Variants in RAD51AP2 observed in about 807,000 individuals in gnomAD.
RAD51AP2 encodes RAD51 associated protein 2.
Under a neutral mutation model 85.5 loss-of-function variants are expected in RAD51AP2, and 67 were observed. That is an observed-to-expected ratio of 0.78 (90% CI 0.64 to 0.96). The LOEUF is 0.96. Ranked by LOEUF, RAD51AP2 falls within the 40% of genes least tolerant of loss-of-function variation. The probability of loss-of-function intolerance (pLI) is 0.00; values close to 1 mark genes in which losing one functional copy is unlikely to be tolerated. For missense variants in RAD51AP2, 1,307 were observed against 1,332.4 expected (o/e 0.98, Z 0.30); for synonymous variants, 474 against 446.5 (o/e 1.06, Z -0.78).
chr2:17,530,867 G>T, the RAD51AP2 span, among the ~76,000 whole-genome samples: 1 of 152,096 alleles, frequency 6.6e-6, no homozygotes, highest in African/African-American at 2.4e-5. Flanking sequence ...CATTTAAAAT[G>T]GTCCTTAATC....
At position 17,510,867 on chromosome 2, in the gene RAD51AP2, C is replaced by T. The variant is rs772869417; in HGVS notation, c.3417G>A (p.Arg1139=). ...TCAGATAAGGATGAAGTTGTTTAAT[C>T]CTTGCTTTTCTTGACAAACCAATCC... The part of the protein sequence containing the change: ...PIRIGLSRKA[R]IKQLHPYLKQ... Residue 1139 remains arginine, a synonymous_variant, in exon 3 of 3, where the codon AGG becomes AGA. Transcript: ENST00000399080. 6.2e-7 allele frequency: 1 copy of T among 1,608,732 alleles called. No individual in the cohort carries two copies. The highest frequency in any genetic ancestry group is 8.5e-7 in the Non-Finnish European group (1 of 1,176,928).
the RAD51AP2 span, among the ~76,000 whole-genome samples, chr2:17,529,856 C>T: frequency 2.6e-5 from 4 of 152,190 alleles, no homozygotes; most frequent in African/African-American, 4.8e-5. Flanking sequence ...TTGTACAATT[C>T]GTCCTTTGGG....
intron 2 of RAD51AP2, among the ~76,000 whole-genome samples, chr2:17,513,499 A>T (rs1176178175): frequency 6.6e-6 from 1 of 151,880 alleles, no homozygotes; most frequent in Non-Finnish European, 1.5e-5. Context: ...AGCCTCCCAA[A>T]TTGCTGGGGT....
At chr2:17,533,977 T>C in the RAD51AP2 span, among the ~76,000 whole-genome samples, 1 of 152,222 alleles carries the variant, frequency 6.6e-6, no homozygotes, top group African/African-American at 2.4e-5. Flanking sequence ...CACAGTAAAC[T>C]ACATCTCTAT....
the RAD51AP2 span, among the ~76,000 whole-genome samples, chr2:17,528,983 T>C: frequency 6.6e-6 from 1 of 152,220 alleles, no homozygotes; most frequent in Non-Finnish European, 1.5e-5. Flanking sequence ...GGTTCCAGTG[T>C]CTGTTGCCAA....
In RAD51AP2 at chr2:17,510,945, A is replaced by C; in HGVS notation, c.3339T>G (p.Phe1113Leu). The change falls in exon 3 of 3, where the codon TTT becomes TTG. Residue 1113 changes from phenylalanine (F) to leucine (L), a missense_variant. Phe to Leu is a conservative substitution (Grantham distance 22). Transcript: ENST00000399080. The stretch of plus-strand genomic sequence containing the variant: ...GTCGTACTCTTGAAATGCCATGTGG[A>C]AAGTGACTACCTAAAAATATAAGAC... ...FNYLLRGGSHFPHGISRVRPL... is the reference protein window; with the variant it reads ...FNYLLRGGSHLPHGISRVRPL... 1 of 1,589,914 alleles carries C rather than the reference A, an allele frequency of 6.3e-7. No individual in the cohort carries two copies. The highest frequency in any genetic ancestry group is 1.8e-5 in the Admixed American group (1 of 55,764).
the RAD51AP2 span, among the ~76,000 whole-genome samples, chr2:17,528,660 T>A: frequency 6.6e-6 from 1 of 151,928 alleles, no homozygotes; most frequent in Non-Finnish European, 1.5e-5. Context: ...CTGAGCAACA[T>A]AGGAACACCC....
At position 17,517,878 on chromosome 2, in the gene RAD51AP2, C is replaced by CA; in HGVS notation, c.537dup (p.Val180CysfsTer23). On this transcript the variant is annotated frameshift_variant, in exon 1 of 3. Coordinates refer to ENST00000399080, the MANE Select transcript of RAD51AP2 (RefSeq NM_001099218.3). LOFTEE classifies it high-confidence loss of function. Reference sequence around the variant, plus strand: ...TTGTGAACATTGTCTCTTCCTTGGACAAACTGTTGTTTTCGATTCTCATTT... The same window carrying CA: ...TTGTGAACATTGTCTCTTCCTTGGACAAAACTGTTGTTTTCGATTCTCATTT... 1 of 1,614,200 alleles carries CA rather than the reference C, an allele frequency of 6.2e-7. No individual in the cohort carries two copies. The highest frequency in any genetic ancestry group is 8.5e-7 in the Non-Finnish European group (1 of 1,180,026).
chr2:17,516,004 T>C lies in RAD51AP2; in HGVS notation c.2412A>G (p.Glu804=). Residue 804 remains glutamate (E), a synonymous_variant, in exon 1 of 3, where the codon GAA becomes GAG. Transcript: ENST00000399080. ...IPASHNIIHN[E]ETHTTSITQV... ...GAGTTATAGAAGTGGTATGGGTCTC[T>C]TCATTATGTATTATGTTGTGGCTTG... is the stretch of plus-strand genomic sequence containing the variant. 6.2e-7 allele frequency: 1 copy of C among 1,613,804 alleles called. No individual in the cohort carries two copies. The highest frequency in any genetic ancestry group is 8.5e-7 in the Non-Finnish European group (1 of 1,179,814).
chr2:17,516,775 AATACCAATT>A lies in RAD51AP2; in HGVS notation c.1632_1640del (p.Ile545_Ile547del). ...TCATGTTTCTGGTTATTAGATTTTG[AATACCAATT>A]ATACCAATTTGCTTTTTACACTTCA... is the stretch of plus-strand genomic sequence containing the variant. On this transcript the variant is annotated inframe_deletion, in exon 1 of 3. Coordinates refer to ENST00000399080, the MANE Select transcript of RAD51AP2 (RefSeq NM_001099218.3). The A allele has an allele frequency of 6.4e-7, 1 of 1,560,718 alleles. No homozygotes were observed. The highest frequency in any genetic ancestry group is 8.7e-7 in the Non-Finnish European group (1 of 1,149,050).
the RAD51AP2 span, among the ~76,000 whole-genome samples, chr2:17,536,493 T>C: frequency 1.3e-5 from 2 of 152,162 alleles, no homozygotes; most frequent in Non-Finnish European, 2.9e-5. Context: ...GAAGAGAAAA[T>C]GGAATAAAGT....
chr2:17,520,945 C>T (rs1381537725), upstream of RAD51AP2, among the ~76,000 whole-genome samples: 6 of 152,098 alleles, frequency 3.9e-5, no homozygotes, highest in Non-Finnish European at 7.4e-5. Flanking sequence ...TGTAGCCAAT[C>T]CCTGGGCAGA....
chr2:17,535,251 CGGA>C, the RAD51AP2 span, among the ~76,000 whole-genome samples: 1 of 151,902 alleles, frequency 6.6e-6, no homozygotes, highest in Non-Finnish European at 1.5e-5. Flanking sequence ...TGGATAAGTG[CGGA>C]GAAGTGAAAC....
chr2:17,515,306 C>T lies in RAD51AP2; in HGVS notation c.3110G>A (p.Gly1037Asp), dbSNP rs834514. ...TTGGTGACTTTTGCCCATATTAGGACCTGCTATAGTATCATGGAACGAGGA... is the reference window on the plus strand; with the variant it reads ...TTGGTGACTTTTGCCCATATTAGGATCTGCTATAGTATCATGGAACGAGGA... The part of the protein sequence containing the change: ...ASSSFHDTIA[G>D]PNMGKSHQSL... The change falls in exon 1 of 3, where the codon GGT becomes GAT. Residue 1037 changes from glycine to aspartate, a missense_variant. Coordinates refer to ENST00000399080, the MANE Select transcript of RAD51AP2 (RefSeq NM_001099218.3). The T allele has an allele frequency of 0.62, 1,007,248 of 1,612,148 alleles. 324,898 individuals carry two copies. The highest frequency in any genetic ancestry group is 0.88 in the East Asian group (39,358 of 44,796).
intron 2 of RAD51AP2, among the ~76,000 whole-genome samples, chr2:17,513,060 A>G (rs1213414547): frequency 6.6e-6 from 1 of 152,140 alleles, no homozygotes; most frequent in East Asian, 1.9e-4. Context: ...GTATAATACC[A>G]GAAATTTCTG....
At chr2:17,522,889 T>C (rs928781761), upstream of RAD51AP2, among the ~76,000 whole-genome samples, 21 of 152,086 alleles carry the variant, frequency 1.4e-4, no homozygotes, top group African/African-American at 4.8e-4. Context: ...CTTAAAATTT[T>C]CAAGGAATTA....
chr2:17,525,864 T>C, the RAD51AP2 span, among the ~76,000 whole-genome samples: 1 of 152,034 alleles, frequency 6.6e-6, no homozygotes, highest in Non-Finnish European at 1.5e-5. Flanking sequence ...CAATGCCTTC[T>C]TCAAGAAACA....
Position 17,516,428 on chromosome 2 carries a change from T to C in RAD51AP2, c.1988A>G (p.Lys663Arg). ...ACTGAAGGAATTAATGAGTTTTTTCTTAGACTTTTCAAAAACTTGTTCAGT... is the reference window on the plus strand; with the variant it reads ...ACTGAAGGAATTAATGAGTTTTTTCCTAGACTTTTCAAAAACTTGTTCAGT... ...FRTEQVFEKS[K>R]KKLINSFSMT... The change falls in exon 1 of 3, where the codon AAG (lysine) becomes AGG (arginine). Residue 663 changes from lysine to arginine, a missense_variant. By Grantham distance (26) the Lys-to-Arg change is conservative (BLOSUM62 2). Transcript: ENST00000399080. 1 of 1,592,778 alleles carries C rather than the reference T, an allele frequency of 6.3e-7. No homozygotes were observed. The highest frequency in any genetic ancestry group is 8.5e-7 in the Non-Finnish European group (1 of 1,171,792).
In RAD51AP2 at chr2:17,517,444, G is replaced by A. The variant is rs1223322102; in HGVS notation, c.972C>T (p.Ser324=). ...ATGGGTAGTCATTTTCATAACATTT[G>A]GAAAAAATGTTTTCCGCTTCTACAG... The part of the protein sequence containing the change: ...KKTVEAENIF[S]KCYENDYPSL... Residue 324 remains serine (S), a synonymous_variant, in exon 1 of 3, where the codon TCC becomes TCT. Coordinates refer to ENST00000399080, the MANE Select transcript of RAD51AP2 (RefSeq NM_001099218.3). 1.9e-6 allele frequency: 3 copies of A among 1,613,518 alleles called. No individual in the cohort carries two copies. The African/African-American group carries it at 4.0e-5, about 22-fold the overall frequency.
Sources: allele counts gnomAD v4.1 joint callset (sites outside exome capture counted in the v4.1 genomes callset), GRCh38; gene constraint gnomAD v4.1.1; transcripts MANE v1.5; gene names NCBI Gene and HGNC (gene_info 2026-07-23, HGNC 2026-07-21).